MEIS1: variants seen among roughly 807,000 people sequenced by gnomAD.
The protein encoded by MEIS1 is homeobox protein Meis1.
MEIS1 carries 5 observed loss-of-function variants against 50.8 expected under a neutral mutation model. That is an observed-to-expected ratio of 0.10 (90% CI 0.05 to 0.21). The LOEUF (loss-of-function observed/expected upper bound fraction) is 0.21. Among genes scored for constraint, MEIS1 ranks in the 10% least tolerant of loss-of-function variants. MEIS1 has a pLI of 1.00. For missense variants in MEIS1, 318 were observed against 517.3 expected (o/e 0.61, Z 3.74); for synonymous variants, 176 against 179.3 (o/e 0.98, Z 0.15).
intron 8 of MEIS1, among the ~76,000 whole-genome samples, chr2:66,537,190 T>A (rs1674542229): frequency 6.6e-6 from 1 of 152,226 alleles, no homozygotes; most frequent in Admixed American, 6.5e-5. Context: ...TGCAGTGAAT[T>A]GCTTTTGAAT....
chr2:66,479,550 T>G (rs1000887012), intron 7 of MEIS1, among the ~76,000 whole-genome samples: 3 of 152,218 alleles, frequency 2.0e-5, no homozygotes, highest in African/African-American at 7.2e-5. Flanking sequence ...GAAACTGTCA[T>G]GTTAGTATAA....
intron 9 of MEIS1, among the ~76,000 whole-genome samples, chr2:66,556,173 T>TA (rs146515496): frequency 0.024 from 3,585 of 152,342 alleles, 149 homozygotes; most frequent in African/African-American, 0.082. Flanking sequence ...TTTTCATTCT[T>TA]ACAACGCTCT....
intron 2 of MEIS1, chr2:66,438,974 G>A (rs1235889847): frequency 6.6e-6 from 1 of 152,026 alleles, no homozygotes; most frequent in East Asian, 1.9e-4. Context: ...GCTTTGTAAA[G>A]GACCCCAAAC....
At chr2:66,490,886 A>C (rs868824669) in intron 7 of MEIS1, among the ~76,000 whole-genome samples, 7 of 152,206 alleles carry the variant, frequency 4.6e-5, no homozygotes, top group Non-Finnish European at 4.4e-5. Context: ...TCACAAGTCA[A>C]CTTTGGCAGG....
At chr2:66,526,222 A>G (rs565900752) in intron 8 of MEIS1, among the ~76,000 whole-genome samples, 10 of 152,376 alleles carry the variant, frequency 6.6e-5, no homozygotes, top group African/African-American at 2.4e-4. Flanking sequence ...ATTGCTTAGC[A>G]GGTAAATTCT....
intron 7 of MEIS1, chr2:66,509,112 G>T (rs781122650): frequency 8.5e-6 from 4 of 469,072 alleles, no homozygotes; most frequent in Non-Finnish European, 1.8e-5. Flanking sequence ...GGAGTGAATG[G>T]AAATGCTAAA....
At chr2:66,486,888 T>G (rs181852846) in intron 7 of MEIS1, among the ~76,000 whole-genome samples, 5 of 152,340 alleles carry the variant, frequency 3.3e-5, no homozygotes, top group African/African-American at 1.2e-4. Flanking sequence ...GCTCATGATT[T>G]GGGTCTCTGT....
At chr2:66,482,041 T>C (rs933114561) in intron 7 of MEIS1, among the ~76,000 whole-genome samples, 18 of 151,908 alleles carry the variant, frequency 1.2e-4, no homozygotes, top group African/African-American at 4.4e-4. Flanking sequence ...TTTGTGTTTT[T>C]AGTAGAGACG....
At chr2:66,564,987 A>G (rs1330847643) in intron 9 of MEIS1, among the ~76,000 whole-genome samples, 1 of 152,056 alleles carries the variant, frequency 6.6e-6, no homozygotes, top group Non-Finnish European at 1.5e-5. Context: ...AGCCTTGTTT[A>G]TAGATGGGGT....
chr2:66,478,653 C>A (rs7595378), intron 7 of MEIS1, among the ~76,000 whole-genome samples: 31,974 of 152,142 alleles, frequency 0.21, 7,562 homozygotes, highest in African/African-American at 0.58. Context: ...TTTTCAAGTT[C>A]AAATGGAGTG....
chr2:66,547,868 C>T, intron 8 of MEIS1, 75 bp from the exon 9 acceptor site: 5 of 1,410,272 alleles, frequency 3.5e-6, no homozygotes, highest in Non-Finnish European at 5.0e-6. Context: ...TTATAGACTT[C>T]ATGAGACACT....
intron 8 of MEIS1, among the ~76,000 whole-genome samples, chr2:66,514,162 A>G (rs1673905786): frequency 6.6e-6 from 1 of 152,168 alleles, no homozygotes; most frequent in African/African-American, 2.4e-5. Flanking sequence ...TCTGCAAAGG[A>G]GTTTTGGCTT....
intron 7 of MEIS1, among the ~76,000 whole-genome samples, chr2:66,496,428 G>A (rs1237562902): frequency 1.3e-5 from 2 of 152,086 alleles, no homozygotes; most frequent in African/African-American, 2.4e-5. Context: ...TGGTCGAGCA[G>A]CCTGACCAGG....
chr2:66,464,020 C>T, intron 6 of MEIS1, 89 bp from the exon 7 acceptor site: 1 of 917,812 alleles, frequency 1.1e-6, no homozygotes, highest in Non-Finnish European at 1.7e-6. Flanking sequence ...TGCTCCAGCC[C>T]TCCATGGCTT....
At chr2:66,541,294 C>T (rs1674646983) in intron 8 of MEIS1, among the ~76,000 whole-genome samples, 2 of 152,038 alleles carry the variant, frequency 1.3e-5, no homozygotes, top group African/African-American at 4.8e-5. Context: ...GTCTCGGCCT[C>T]CCAAAGTACT....
intron 6 of MEIS1, among the ~76,000 whole-genome samples, chr2:66,444,450 C>A (rs1371612960): frequency 2.0e-5 from 3 of 152,220 alleles, no homozygotes; most frequent in African/African-American, 4.8e-5. Flanking sequence ...GCAATCCCCG[C>A]GACATGGGCT....
chr2:66,522,576 A>G (rs1163894576), intron 8 of MEIS1, among the ~76,000 whole-genome samples: 1 of 152,158 alleles, frequency 6.6e-6, no homozygotes, highest in Non-Finnish European at 1.5e-5. Context: ...TGTTTAATTG[A>G]ACAAGGAATG....
chr2:66,489,568 CATTGTGGAG>C (rs1361151431), intron 7 of MEIS1, among the ~76,000 whole-genome samples: 2 of 152,164 alleles, frequency 1.3e-5, no homozygotes, highest in African/African-American at 4.8e-5. Context: ...ATAAGCATGG[CATTGTGGAG>C]AATATCACCC....
intron 1 of MEIS1, chr2:66,436,932 G>A (rs1338653645): frequency 1.0e-6 from 1 of 952,544 alleles, no homozygotes; most frequent in Non-Finnish European, 1.2e-6. Context: ...TTTTGAATTT[G>A]CTTTAAACCT....
Sources: allele counts gnomAD v4.1 joint callset (sites outside exome capture counted in the v4.1 genomes callset), GRCh38; gene constraint gnomAD v4.1.1; transcripts MANE v1.5; gene names NCBI Gene and HGNC (gene_info 2026-07-23, HGNC 2026-07-21).